MPP7: variants seen among roughly 807,000 people sequenced by gnomAD.
MPP7 encodes MAGUK p55 subfamily member 7.
Under a neutral mutation model 76.5 loss-of-function variants are expected in MPP7, and 60 were observed. The observed-to-expected ratio is 0.78, with a 90% CI of 0.64 to 0.97. The LOEUF is 0.97. MPP7 is among the 50% of genes least tolerant of loss of function. The pLI, the probability that MPP7 is intolerant of heterozygous loss-of-function variation, is 0.00. For synonymous variants in MPP7, 237 were observed against 244.5 expected, an observed-to-expected ratio of 0.97 and a Z score of 0.29; for missense variants, 641 against 694.0, an observed-to-expected ratio of 0.92 and a Z score of 0.86.
chr10:28,265,734 G>A (rs895564533), intron 1 of MPP7, among the ~76,000 whole-genome samples: 6 of 151,972 alleles, frequency 3.9e-5, no homozygotes, highest in African/African-American at 9.7e-5. Context: ...TAACTTTATC[G>A]AGTTAATAAA....
rs569040794 is a variant in MPP7 at position 28,291,011 on chromosome 10, A to C, written c.-132+11850T>G. Among the ~76,000 whole-genome samples the C allele has an allele frequency of 3.9e-5, 6 of 152,336 alleles. No individual in the cohort carries two copies. The South Asian group carries it at 1.2e-3, about 32-fold the overall frequency. ...TTATCCTGATGACACGATTTTGTAA[A>C]CTTTTGCCACCATATATTAACAATG... On this transcript the variant is annotated intron_variant, in intron 1 of 16. Coordinates refer to ENST00000683449, the MANE Select transcript of MPP7 (RefSeq NM_001318170.2).
chr10:28,177,505 A>C (rs1836915632), intron 3 of MPP7, among the ~76,000 whole-genome samples: 1 of 152,200 alleles, frequency 6.6e-6, no homozygotes, highest in Non-Finnish European at 1.5e-5. Context: ...TTCCTATATA[A>C]GCTGTATTTC....
At chr10:28,277,340 T>C (rs1840532866) in intron 1 of MPP7, among the ~76,000 whole-genome samples, 1 of 150,006 alleles carries the variant, frequency 6.7e-6, no homozygotes, top group Admixed American at 6.6e-5. Context: ...TAAAGTACAC[T>C]AATACTAATG....
chr10:28,140,552 G>A (rs1331057084), intron 5 of MPP7, among the ~76,000 whole-genome samples: 1 of 152,044 alleles, frequency 6.6e-6, no homozygotes, highest in Non-Finnish European at 1.5e-5. Flanking sequence ...TAATGAGCCA[G>A]TTCTTTTGAG....
chr10:28,235,074 T>C (rs1305218685), intron 2 of MPP7, among the ~76,000 whole-genome samples: 7 of 152,232 alleles, frequency 4.6e-5, no homozygotes, highest in Non-Finnish European at 8.8e-5. Flanking sequence ...CCTCCCGAAG[T>C]GCTGGGATTA....
At chr10:28,135,295 T>A (rs1162390445) in intron 5 of MPP7, among the ~76,000 whole-genome samples, 1 of 152,088 alleles carries the variant, frequency 6.6e-6, no homozygotes, top group East Asian at 1.9e-4. Flanking sequence ...ATTTGGGAGA[T>A]CTGTAGGAGG....
At chr10:28,064,532 CAT>C (rs1851917070) in intron 13 of MPP7, among the ~76,000 whole-genome samples, 1 of 152,198 alleles carries the variant, frequency 6.6e-6, no homozygotes, top group South Asian at 2.1e-4. Context: ...GATGTTTTCA[CAT>C]GTGTACGCAG....
chr10:28,272,591 T>C (rs549160964), intron 1 of MPP7, among the ~76,000 whole-genome samples: 15 of 152,322 alleles, frequency 9.8e-5, no homozygotes, highest in African/African-American at 3.6e-4. Flanking sequence ...CAATTGCTAA[T>C]GAATAATCAA....
intron 1 of MPP7, among the ~76,000 whole-genome samples, chr10:28,279,870 G>GA: frequency 6.6e-6 from 1 of 152,056 alleles, no homozygotes; most frequent in Non-Finnish European, 1.5e-5. Flanking sequence ...TCAAACACAA[G>GA]AAAAATCAAG....
chr10:28,169,973 T>C (rs2763321), intron 3 of MPP7, among the ~76,000 whole-genome samples: 101,295 of 151,996 alleles, frequency 0.67, 34,960 homozygotes, highest in Middle Eastern at 0.81. Context: ...TAAGTGGCGA[T>C]AGAAAGCACT....
At chr10:28,062,578 A>C (rs1299016932) in intron 13 of MPP7, among the ~76,000 whole-genome samples, 2 of 134,366 alleles carry the variant, frequency 1.5e-5, no homozygotes, top group Non-Finnish European at 3.1e-5. Context: ...ACACACACAC[A>C]CACCAAAGGT....
At chr10:28,081,478 T>C (rs955405199) in intron 12 of MPP7, among the ~76,000 whole-genome samples, 2 of 152,194 alleles carry the variant, frequency 1.3e-5, no homozygotes, top group Non-Finnish European at 2.9e-5. Flanking sequence ...GTCATTGAGA[T>C]GTTTTGGTGG....
At chr10:28,210,276 G>A (rs1588928492) in intron 2 of MPP7, among the ~76,000 whole-genome samples, 4 of 152,194 alleles carry the variant, frequency 2.6e-5, no homozygotes, top group Admixed American at 6.5e-5. Context: ...AAGTCAGTTG[G>A]TACAAAAGTA....
intron 3 of MPP7, among the ~76,000 whole-genome samples, chr10:28,158,599 G>A (rs1040159445): frequency 6.6e-6 from 1 of 152,134 alleles, no homozygotes; most frequent in Non-Finnish European, 1.5e-5. Context: ...AAGGTGACAA[G>A]GGAAATGAGG....
In MPP7 at chr10:28,322,818, G is replaced by T. The variant is rs759904599; in HGVS notation, c.-132+7111C>A. Among the ~76,000 whole-genome samples the T allele has an allele frequency of 1.1e-3, 166 of 152,260 alleles. 1 individual carries two copies. Among genetic ancestry groups the T allele is most frequent in the Non-Finnish European group, 6.6e-4 (45 of 68,028 alleles). On this transcript the variant is annotated intron_variant, in intron 2 of 11. Coordinates refer to the MPP7 transcript ENST00000441595. The stretch of plus-strand genomic sequence containing the variant: ...TGTGTTAAATTATTGATAAGACCTG[G>T]TGAGATTGGGGTTGCTCAGTTCTGT...
intron 5 of MPP7, among the ~76,000 whole-genome samples, chr10:28,141,202 T>A (rs1835506630): frequency 6.6e-6 from 1 of 151,802 alleles, no homozygotes; most frequent in Non-Finnish European, 1.5e-5. Context: ...TTCTGATTTA[T>A]TTTTTTTAAA....
At chr10:28,282,931 A>G (rs7923023) in intron 1 of MPP7, among the ~76,000 whole-genome samples, 14,903 of 151,930 alleles carry the variant, frequency 0.098, 925 homozygotes, top group South Asian at 0.16. Context: ...GTGTGTGGAT[A>G]GGGGTAGGCA....
intron 3 of MPP7, among the ~76,000 whole-genome samples, chr10:28,153,131 A>G (rs1835937238): frequency 6.6e-6 from 1 of 151,992 alleles, no homozygotes; most frequent in African/African-American, 2.4e-5. Context: ...GCGCATACCT[A>G]TAGTCCTAGC....
chr10:28,146,677 G>A (rs1835719735), intron 5 of MPP7, among the ~76,000 whole-genome samples: 1 of 151,976 alleles, frequency 6.6e-6, no homozygotes, highest in Non-Finnish European at 1.5e-5. Flanking sequence ...TTTACATCTA[G>A]GAAGAAATTT....
Sources: gnomAD v4.1 joint callset for allele counts (sites outside exome capture counted in the v4.1 genomes callset) on GRCh38, gnomAD v4.1.1 for gene constraint, MANE v1.5 for transcripts, NCBI Gene and HGNC (gene_info 2026-07-23, HGNC 2026-07-21) for gene names.